LRCH1: variants seen among roughly 807,000 people sequenced by gnomAD.
LRCH1 encodes leucine rich repeats and calponin homology domain containing 1.
A neutral mutation model predicts 94.9 loss-of-function variants in LRCH1; 23 were observed. The observed-to-expected ratio is 0.24, with a 90% CI of 0.17 to 0.34. The LOEUF is 0.34. Among genes scored for constraint, LRCH1 ranks in the 10% least tolerant of loss-of-function variants. The pLI is 1.00. For synonymous variants in LRCH1, 364 were observed against 354.9 expected (o/e 1.03, Z -0.29); for missense variants, 790 against 945.9 (o/e 0.84, Z 2.16).
At chr13:46,601,164 G>A (rs2050624104) in intron 1 of LRCH1, among the ~76,000 whole-genome samples, 1 of 152,160 alleles carries the variant, frequency 6.6e-6, no homozygotes, top group Non-Finnish European at 1.5e-5. Context: ...TTGAGGGCAG[G>A]GCCGGTTTTG....
intron 19 of LRCH1, among the ~76,000 whole-genome samples, chr13:46,741,123 T>G (rs1873632250): frequency 6.6e-6 from 1 of 151,850 alleles, no homozygotes; most frequent in Admixed American, 6.6e-5. Flanking sequence ...TTATCAAGCG[T>G]AAAATGAAAA....
intron 2 of LRCH1, among the ~76,000 whole-genome samples, chr13:46,668,571 C>A (rs532855233): frequency 6.6e-6 from 1 of 152,116 alleles, no homozygotes; most frequent in Non-Finnish European, 1.5e-5. Flanking sequence ...TGAAATGATG[C>A]CTGTGTGGTG....
intron 1 of LRCH1, among the ~76,000 whole-genome samples, chr13:46,601,815 A>G (rs2050632003): frequency 6.6e-6 from 1 of 152,172 alleles, no homozygotes; most frequent in South Asian, 2.1e-4. Context: ...GGTGTTAGGA[A>G]TATAGGCTGG....
intron 1 of LRCH1, among the ~76,000 whole-genome samples, chr13:46,618,768 T>C (rs1386570530): frequency 6.6e-6 from 1 of 152,212 alleles, no homozygotes; most frequent in Admixed American, 6.5e-5. Context: ...TTTTTTTTCT[T>C]GTAGCTGTTT....
At chr13:46,671,358 C>G (rs943768425) in intron 3 of LRCH1, among the ~76,000 whole-genome samples, 1 of 152,262 alleles carries the variant, frequency 6.6e-6, no homozygotes, top group Non-Finnish European at 1.5e-5. Context: ...CAGCTCCCCC[C>G]ACACCCTGAT....
chr13:46,596,811 T>C (rs143991945), intron 1 of LRCH1, among the ~76,000 whole-genome samples: 3 of 152,168 alleles, frequency 2.0e-5, no homozygotes, highest in Non-Finnish European at 4.4e-5. Flanking sequence ...TGGCAATCGA[T>C]CATTTGCCCA....
rs149179204 is a variant in LRCH1 at position 46,621,949 on chromosome 13, C to T, written c.308-28252C>T. On this transcript the variant is annotated intron_variant, in intron 1 of 19. Transcript: ENST00000389797. Reference sequence around the variant, plus strand: ...TCTTAAATGCTAGGGATTTAAAAGACGGATAAGATACAGGCTTATTATGTC... The same window carrying T: ...TCTTAAATGCTAGGGATTTAAAAGATGGATAAGATACAGGCTTATTATGTC... 2.2e-3 allele frequency among the ~76,000 whole-genome samples: 330 copies of T among 152,180 alleles called. 1 individual carries two copies. Among genetic ancestry groups the T allele is most frequent in the African/African-American group, 7.6e-3 (315 of 41,516 alleles).
intron 11 of LRCH1, among the ~76,000 whole-genome samples, chr13:46,704,399 T>C (rs2138186072): frequency 6.6e-6 from 1 of 152,232 alleles, no homozygotes; most frequent in Non-Finnish European, 1.5e-5. Context: ...AGTTGGCTAT[T>C]GCTGTTCTGT....
At chr13:46,606,060 C>G (rs2050683251) in intron 1 of LRCH1, among the ~76,000 whole-genome samples, 1 of 152,044 alleles carries the variant, frequency 6.6e-6, no homozygotes, top group Non-Finnish European at 1.5e-5. Flanking sequence ...ACAGCTTTCC[C>G]CAACTATTGA....
At position 46,742,958 on chromosome 13, in the gene LRCH1, G is replaced by T. The variant is rs1021075678; in HGVS notation, c.*1110G>T. The T allele has an allele frequency of 1.9e-5, 19 of 985,176 alleles. No individual in the cohort carries two copies. The highest frequency in any genetic ancestry group is 2.2e-5 in the Non-Finnish European group (18 of 829,878). The allele number at this position is 985,176 out of a possible 1,614,324, so 61.0% of individuals were successfully genotyped here. ...AAAGGATTATATAGTAACTATATCTGCATTTGGAGCAATGTGATCAGTTTG... is the reference window on the plus strand; with the variant it reads ...AAAGGATTATATAGTAACTATATCTTCATTTGGAGCAATGTGATCAGTTTG... On this transcript the variant is annotated 3_prime_UTR_variant, in exon 20 of 20. Transcript: ENST00000389797.
downstream of LRCH1, among the ~76,000 whole-genome samples, chr13:46,747,204 G>A (rs552918764): frequency 9.7e-4 from 147 of 152,270 alleles, no homozygotes; most frequent in African/African-American, 3.3e-3. Context: ...GGCTTGGAAT[G>A]TGGAGACCAG....
rs11619750 is a variant in LRCH1, at chr13:46,628,652, G to T, written c.308-21549G>T. On this transcript the variant is annotated intron_variant, in intron 1 of 19. Transcript: ENST00000389797. ...AGCCTGGGCGACAGAGCGATTCTCT[G>T]TCTCAGGGAAGAAAAAAAAAAAAAA... 2.4e-3 allele frequency among the ~76,000 whole-genome samples: 316 copies of T among 134,334 alleles called. 3 individuals carry two copies. Among genetic ancestry groups the T allele is most frequent in the Middle Eastern group, 0.013 (3 of 236 alleles). The allele number at this position is 134,334 out of a possible 152,430, so 88.1% of individuals were successfully genotyped here.
At chr13:46,594,857 A>C (rs977379886) in intron 1 of LRCH1, among the ~76,000 whole-genome samples, 5 of 152,182 alleles carry the variant, frequency 3.3e-5, no homozygotes, top group Non-Finnish European at 7.3e-5. Context: ...TGAAATGTGA[A>C]GACTGTAATA....
At chr13:46,615,286 G>A (rs759741920) in intron 1 of LRCH1, among the ~76,000 whole-genome samples, 9 of 152,200 alleles carry the variant, frequency 5.9e-5, no homozygotes, top group East Asian at 1.9e-4. Context: ...CTAAGGGGGA[G>A]CAGGCAAGAC....
At chr13:46,732,381 A>G (rs1250884871) in intron 18 of LRCH1, among the ~76,000 whole-genome samples, 1 of 152,216 alleles carries the variant, frequency 6.6e-6, no homozygotes, top group African/African-American at 2.4e-5. Context: ...TTATTATTGG[A>G]CCAGTGGTGA....
intron 16 of LRCH1, among the ~76,000 whole-genome samples, chr13:46,721,334 G>A (rs865841645): frequency 6.6e-6 from 1 of 152,170 alleles, no homozygotes; most frequent in East Asian, 1.9e-4. Flanking sequence ...GTGTTGAGGC[G>A]CCCCTTGCTG....
At chr13:46,628,328 G>A (rs2050975491) in intron 1 of LRCH1, among the ~76,000 whole-genome samples, 2 of 152,088 alleles carry the variant, frequency 1.3e-5, no homozygotes, top group Non-Finnish European at 2.9e-5. Flanking sequence ...AGAGAATCAT[G>A]CAGAAGGTAC....
At chr13:46,675,093 C>T in intron 3 of LRCH1, among the ~76,000 whole-genome samples, 1 of 152,190 alleles carries the variant, frequency 6.6e-6, no homozygotes, top group East Asian at 1.9e-4. Flanking sequence ...CTTGTGTTGG[C>T]TAAATCTCAT....
intron 1 of LRCH1, among the ~76,000 whole-genome samples, chr13:46,585,552 C>CAAAAAAAAAAA (rs35651253): frequency 1.2e-5 from 1 of 82,116 alleles, no homozygotes; most frequent in Non-Finnish European, 2.7e-5. Context: ...GACTGCATCT[C>CAAAAAAAAAAA]AAAAAAAAAA....
Sources: allele counts gnomAD v4.1 joint callset (sites outside exome capture counted in the v4.1 genomes callset), GRCh38; gene constraint gnomAD v4.1.1; transcripts MANE v1.5; gene names NCBI Gene and HGNC (gene_info 2026-07-23, HGNC 2026-07-21).